TNFRSF10C: variants seen among roughly 807,000 people sequenced by gnomAD.
TNFRSF10C encodes tumor necrosis factor receptor superfamily member 10C.
A neutral mutation model predicts 16.7 loss-of-function variants in TNFRSF10C; 17 were observed. That is an observed-to-expected ratio of 1.02 (90% CI 0.70 to 1.53). The LOEUF (loss-of-function observed/expected upper bound fraction) is 1.53. Ranked by LOEUF, TNFRSF10C falls within the 40% of genes most tolerant of loss-of-function variation. The pLI is 0.00. For missense variants in TNFRSF10C, 237 were observed against 329.7 expected (o/e 0.72, Z 2.18); for synonymous variants, 73 against 119.7 (o/e 0.61, Z 2.55).
At chr8:23,106,859 T>C (rs979752726) in intron 1 of TNFRSF10C, among the ~76,000 whole-genome samples, 3 of 150,698 alleles carry the variant, frequency 2.0e-5, no homozygotes, top group Non-Finnish European at 4.4e-5. Flanking sequence ...TGGTGGCGGG[T>C]GCCTGTAGTC....
intron 1 of TNFRSF10C, among the ~76,000 whole-genome samples, chr8:23,107,356 G>A (rs1377936121): frequency 6.6e-6 from 1 of 152,168 alleles, no homozygotes; most frequent in Non-Finnish European, 1.5e-5. Flanking sequence ...GCGGAAGAGA[G>A]GATTACATTG....
At position 23,113,870 on chromosome 8, in the gene TNFRSF10C, C is replaced by T. The variant is rs192519985; in HGVS notation, c.167-787C>T. Among the ~76,000 whole-genome samples, 416 of 151,570 alleles carry T rather than the reference C, an allele frequency of 2.7e-3. 4 individuals are homozygous for T. Among genetic ancestry groups the T allele is most frequent in the African/African-American group, 9.2e-3 (380 of 41,286 alleles). Reference sequence around the variant, plus strand: ...ACTCGGGAGGCTGAGGCAGAAAAATCGCTTGAACCAGGGAGTTGGAGGTTG... The same window carrying T: ...ACTCGGGAGGCTGAGGCAGAAAAATTGCTTGAACCAGGGAGTTGGAGGTTG... On this transcript the variant is annotated intron_variant, in intron 2 of 4. Coordinates refer to ENST00000356864, the MANE Select transcript of TNFRSF10C (RefSeq NM_003841.5).
At position 23,111,775 on chromosome 8, in the gene TNFRSF10C, TGGCCCCACAGCAACAGA is replaced by T. The variant is rs1813882995; in HGVS notation, c.120_136del (p.Pro41GlnfsTer13). 1 of 1,613,432 alleles carries T rather than the reference TGGCCCCACAGCAACAGA, an allele frequency of 6.2e-7. No individual in the cohort carries two copies. The highest frequency in any genetic ancestry group is 8.5e-7 in the Non-Finnish European group (1 of 1,180,016). On this transcript the variant is annotated frameshift_variant, in exon 2 of 5. Transcript: ENST00000356864. LOFTEE classifies it high-confidence loss of function. ...CAGGAGGAAGTTCCCCAGCAGACAGTGGCCCCACAGCAACAGAGGCACAGCTTCAAGGGGGAGGAGTG... is the reference window on the plus strand; with the variant it reads ...CAGGAGGAAGTTCCCCAGCAGACAGTGGCACAGCTTCAAGGGGGAGGAGTG...
At chr8:23,106,929 GA>G (rs34115251) in intron 1 of TNFRSF10C, among the ~76,000 whole-genome samples, 48,533 of 144,022 alleles carry the variant, frequency 0.34, 8,292 homozygotes, top group East Asian at 0.6. Context: ...AGAGCTTTCA[GA>G]AAAAAAAAAA....
intron 1 of TNFRSF10C, among the ~76,000 whole-genome samples, chr8:23,106,236 T>C (rs886344923): frequency 5.3e-5 from 8 of 152,030 alleles, no homozygotes; most frequent in Non-Finnish European, 1.0e-4. Flanking sequence ...TAATAGGAGG[T>C]AGCATGAAGG....
chr8:23,116,486 T>G (rs1422437518), intron 4 of TNFRSF10C, among the ~76,000 whole-genome samples, 155 bp from the exon 5 acceptor site: 1 of 152,154 alleles, frequency 6.6e-6, no homozygotes, highest in Non-Finnish European at 1.5e-5. Context: ...TTCCCCAGCC[T>G]CAACGAGGGA....
At chr8:23,107,303 T>C (rs1813796915) in intron 1 of TNFRSF10C, among the ~76,000 whole-genome samples, 1 of 152,196 alleles carries the variant, frequency 6.6e-6, no homozygotes, top group Admixed American at 6.5e-5. Context: ...GACCAATCTA[T>C]TCTGACAAAA....
At chr8:23,113,287 A>G (rs1490726521) in intron 2 of TNFRSF10C, among the ~76,000 whole-genome samples, 1 of 152,116 alleles carries the variant, frequency 6.6e-6, no homozygotes, top group Non-Finnish European at 1.5e-5. Context: ...GTCATGCAGA[A>G]CCTTTTTAGT....
chr8:23,110,727 G>A (rs1298106825), intron 1 of TNFRSF10C, among the ~76,000 whole-genome samples: 3 of 152,120 alleles, frequency 2.0e-5, no homozygotes, highest in South Asian at 4.1e-4. Flanking sequence ...ATTACTTAAT[G>A]TTTGATGCTA....
chr8:23,114,793 G>T (rs1225834836), intron 3 of TNFRSF10C, 23 bp downstream of exon 3: 3 of 1,603,416 alleles, frequency 1.9e-6, no homozygotes, highest in Non-Finnish European at 2.6e-6. Context: ...TGGACCTCTT[G>T]TCCAGAGGTG....
intron 4 of TNFRSF10C, 132 bp from the exon 5 acceptor site, chr8:23,116,509 C>A: frequency 7.8e-7 from 1 of 1,288,394 alleles, no homozygotes; most frequent in Non-Finnish European, 1.1e-6. Context: ...TTGGGGGACC[C>A]CCTCCAGACA....
rs1814007961 is a variant in TNFRSF10C at position 23,117,200 on chromosome 8, C to G, written c.*169C>G. On this transcript the variant is annotated 3_prime_UTR_variant, in exon 5 of 5. Transcript: ENST00000356864. ...CCTGGTGTCTCCAGCCTGGCTCTAT[C>G]TTCCTCCTTGTGATCGTCCCATCCC... 8.6e-6 allele frequency: 9 copies of G among 1,041,870 alleles called. No individual in the cohort carries two copies. The South Asian group carries it at 1.4e-4, about 17-fold the overall frequency. The allele number at this position is 1,041,870 out of a possible 1,614,324, so 64.5% of individuals were successfully genotyped here.
chr8:23,114,465 T>C, intron 2 of TNFRSF10C, 192 bp from the exon 3 acceptor site: 1 of 457,178 alleles, frequency 2.2e-6, no homozygotes, highest in South Asian at 3.6e-5. Context: ...ATTTGAATTT[T>C]GTATTATATT....
intron 1 of TNFRSF10C, among the ~76,000 whole-genome samples, chr8:23,109,510 A>G (rs1373718078): frequency 1.3e-5 from 2 of 151,740 alleles, no homozygotes; most frequent in Non-Finnish European, 2.9e-5. Context: ...GGTGGCGGGC[A>G]CCTGTAGTCC....
rs763811896 is a variant in TNFRSF10C, at chr8:23,111,807, G to A, written c.148G>A (p.Gly50Arg). The change falls in exon 2 of 5, where the codon GGG (glycine) becomes AGG (arginine). Residue 50 changes from glycine to arginine, a missense_variant. Coordinates refer to ENST00000356864, the MANE Select transcript of TNFRSF10C (RefSeq NM_003841.5). The part of the protein sequence containing the change: ...APQQQRHSFK[G>R]EECPAGSHRS... The stretch of plus-strand genomic sequence containing the variant: ...ACAGCAACAGAGGCACAGCTTCAAG[G>A]GGGAGGAGTGTCCAGCAGGTGCACT... The A allele has an allele frequency of 1.2e-6, 2 of 1,614,066 alleles. No individual in the cohort carries two copies. The highest frequency in any genetic ancestry group is 1.7e-5 in the Admixed American group (1 of 60,010).
chr8:23,110,069 C>CAAAAAAAAAAAAAAA lies in TNFRSF10C; in HGVS notation c.61-1639_61-1625dup, dbSNP rs56263402. Among the ~76,000 whole-genome samples, 107 of 39,626 alleles carry CAAAAAAAAAAAAAAA rather than the reference C, an allele frequency of 2.7e-3. 16 individuals carry two copies. The highest frequency in any genetic ancestry group is 0.012 in the South Asian group (6 of 514). 26.0% of individuals were successfully genotyped at this position (39,626 alleles called of 152,430 possible). A position where few individuals can be genotyped will look rare whatever the true frequency, so the allele number is the denominator to read the frequency against. ...GGAGGACAGAGGGAGACCCTGTCTC[C>CAAAAAAAAAAAAAAA]AAAAAAAAAAAAAAAAAAAAAAAAA... On this transcript the variant is annotated intron_variant, in intron 1 of 4. Transcript: ENST00000356864.
intron 1 of TNFRSF10C, among the ~76,000 whole-genome samples, chr8:23,106,388 G>T (rs1585245646): frequency 6.6e-6 from 1 of 152,132 alleles, no homozygotes; most frequent in East Asian, 1.9e-4. Flanking sequence ...TGAGGGTCAG[G>T]GAGGGGAGCG....
intron 1 of TNFRSF10C, among the ~76,000 whole-genome samples, chr8:23,109,376 A>T (rs1249828430): frequency 1.3e-5 from 2 of 152,160 alleles, no homozygotes; most frequent in Non-Finnish European, 2.9e-5. Context: ...GGTGGCTCAC[A>T]TCTGTAATTC....
intron 1 of TNFRSF10C, among the ~76,000 whole-genome samples, chr8:23,106,136 C>T (rs555733769): frequency 6.6e-6 from 1 of 152,132 alleles, no homozygotes; most frequent in South Asian, 2.1e-4. Flanking sequence ...TGGAGTCCGC[C>T]GGAGTTTGGG....
Sources: allele counts gnomAD v4.1 joint callset (sites outside exome capture counted in the v4.1 genomes callset), GRCh38; gene constraint gnomAD v4.1.1; transcripts MANE v1.5; gene names NCBI Gene and HGNC (gene_info 2026-07-23, HGNC 2026-07-21).